FNBP1L: variants seen among roughly 807,000 people sequenced by gnomAD.
The protein encoded by FNBP1L is formin binding protein 1 like, also known as formin-binding protein 1-like.
A neutral mutation model predicts 91.2 loss-of-function variants in FNBP1L; 36 were observed. The observed-to-expected ratio is 0.39, with a 90% confidence interval of 0.30 to 0.52. The LOEUF (loss-of-function observed/expected upper bound fraction) is 0.52. FNBP1L is among the 20% of genes least tolerant of loss of function. FNBP1L has a pLI of 0.66. For synonymous variants in FNBP1L, 242 were observed against 237.0 expected (o/e 1.02, Z -0.19); for missense variants, 571 against 732.1 (o/e 0.78, Z 2.54).
chr1:93,449,816 C>A (rs1174596520), intron 1 of FNBP1L, among the ~76,000 whole-genome samples: 1 of 152,108 alleles, frequency 6.6e-6, no homozygotes, highest in Non-Finnish European at 1.5e-5. Flanking sequence ...GGCCTTTTTC[C>A]CTTACACTTT....
In FNBP1L at chr1:93,528,397, G is replaced by T. The variant is rs76859513; in HGVS notation, c.406-1255G>T. 8.1e-3 allele frequency among the ~76,000 whole-genome samples: 1,228 copies of T among 152,274 alleles called. 4 individuals carry two copies. The highest frequency in any genetic ancestry group is 0.012 in the Non-Finnish European group (790 of 68,000). ...AGGATAGTTACACAGGAAGCCAGAA[G>T]AATAGTGGAGCAATACTTTTAAGTT... On this transcript the variant is annotated intron_variant, in intron 5 of 16. Transcript: ENST00000271234.
At chr1:93,511,693 G>A (rs561504538) in intron 2 of FNBP1L, among the ~76,000 whole-genome samples, 238 of 152,160 alleles carry the variant, frequency 1.6e-3, no homozygotes, top group Non-Finnish European at 2.7e-3. Context: ...CCGGCCGGGT[G>A]CGGTGGCTCA....
In FNBP1L at chr1:93,523,323, AT is replaced by A; in HGVS notation, c.195-17del. The A allele has an allele frequency of 1.3e-6, 2 of 1,586,044 alleles. No homozygotes were observed. ...AATGAAAATAAAAGTAAGTCTCACC[AT>A]TTTGAAATGTTTTTGCCAGGTTTAC... On this transcript the variant is annotated intron_variant, in intron 3 of 16. Transcript: ENST00000271234.
intron 2 of FNBP1L, among the ~76,000 whole-genome samples, chr1:93,513,878 C>T (rs1200589777): frequency 2.0e-5 from 3 of 152,192 alleles, no homozygotes; most frequent in Admixed American, 6.5e-5. Flanking sequence ...GATGCCCTCT[C>T]TCACCACTCC....
chr1:93,502,540 C>G (rs1670472428), intron 2 of FNBP1L, among the ~76,000 whole-genome samples: 1 of 152,154 alleles, frequency 6.6e-6, no homozygotes, highest in South Asian at 2.1e-4. Flanking sequence ...TGCCTTCTCT[C>G]TGTTCTGAGA....
chr1:93,534,196 A>C (rs1671772659), intron 8 of FNBP1L, among the ~76,000 whole-genome samples: 1 of 152,094 alleles, frequency 6.6e-6, no homozygotes, highest in Non-Finnish European at 1.5e-5. Context: ...TATATATTTA[A>C]TTTATTTATC....
chr1:93,524,581 C>CTTTTTT (rs34173735), intron 5 of FNBP1L, among the ~76,000 whole-genome samples: 366 of 112,896 alleles, frequency 3.2e-3, no homozygotes, highest in African/African-American at 5.0e-3. Flanking sequence ...TAAGGAGATT[C>CTTTTTT]TTTTTTTTTT....
chr1:93,532,469 CAAAAA>C (rs35188106), intron 7 of FNBP1L, among the ~76,000 whole-genome samples: 1 of 62,608 alleles, frequency 1.6e-5, no homozygotes. Flanking sequence ...GACTCCGCCT[CAAAAA>C]AAAAAAAAAA....
chr1:93,497,755 G>A (rs1182208659), intron 1 of FNBP1L, among the ~76,000 whole-genome samples: 1 of 152,048 alleles, frequency 6.6e-6, no homozygotes, highest in Non-Finnish European at 1.5e-5. Flanking sequence ...GAGTAGCTGG[G>A]ACCACAGGTG....
chr1:93,465,904 C>T (rs972705740), intron 1 of FNBP1L, among the ~76,000 whole-genome samples: 20 of 152,266 alleles, frequency 1.3e-4, no homozygotes, highest in African/African-American at 4.1e-4. Context: ...TTCCAAATGG[C>T]GTGAGATAGT....
chr1:93,517,509 T>TA (rs1430154141), intron 2 of FNBP1L, among the ~76,000 whole-genome samples: 3 of 152,108 alleles, frequency 2.0e-5, no homozygotes, highest in African/African-American at 7.2e-5. Context: ...GAACATCTTT[T>TA]AAAAAAATCC....
chr1:93,479,310 C>T (rs1204929242), intron 1 of FNBP1L, among the ~76,000 whole-genome samples: 9 of 152,158 alleles, frequency 5.9e-5, no homozygotes, highest in African/African-American at 2.2e-4. Context: ...TCTGAGGAAA[C>T]AGGGCAAGGA....
chr1:93,472,116 C>T (rs1008326360), intron 1 of FNBP1L, among the ~76,000 whole-genome samples: 5 of 152,128 alleles, frequency 3.3e-5, no homozygotes, highest in African/African-American at 4.8e-5. Context: ...GAATGAGGCC[C>T]AGAAATTTGT....
At chr1:93,510,790 A>C (rs572025310) in intron 2 of FNBP1L, among the ~76,000 whole-genome samples, 1 of 152,162 alleles carries the variant, frequency 6.6e-6, no homozygotes, top group Admixed American at 6.5e-5. Context: ...ACCAAGGCTC[A>C]AGAACTACGT....
At chr1:93,505,812 G>A (rs1422582837) in intron 2 of FNBP1L, among the ~76,000 whole-genome samples, 1 of 152,192 alleles carries the variant, frequency 6.6e-6, no homozygotes, top group Non-Finnish European at 1.5e-5. Context: ...CTGAGTAGCT[G>A]GCACTACAGG....
At chr1:93,451,668 T>A (rs182841436) in intron 1 of FNBP1L, among the ~76,000 whole-genome samples, 1 of 152,302 alleles carries the variant, frequency 6.6e-6, no homozygotes, top group Admixed American at 6.5e-5. Flanking sequence ...TATTATTATT[T>A]TTGAGATGGA....
intron 1 of FNBP1L, among the ~76,000 whole-genome samples, chr1:93,495,634 T>C (rs60717381): frequency 0.027 from 4,102 of 152,308 alleles, 165 homozygotes; most frequent in African/African-American, 0.09. Context: ...ATTTATCTTC[T>C]GGCTGTTTCA....
intron 1 of FNBP1L, among the ~76,000 whole-genome samples, chr1:93,476,522 A>T (rs993716782): frequency 6.6e-6 from 1 of 152,194 alleles, no homozygotes; most frequent in African/African-American, 2.4e-5. Flanking sequence ...TGTTTTTGGT[A>T]TGGTGGAAAG....
chr1:93,473,914 G>A (rs182540086), intron 1 of FNBP1L, among the ~76,000 whole-genome samples: 8 of 152,174 alleles, frequency 5.3e-5, no homozygotes, highest in Admixed American at 5.2e-4. Context: ...GCTGCGTGAC[G>A]GGATCTATGG....
Sources: allele counts gnomAD v4.1 joint callset (sites outside exome capture counted in the v4.1 genomes callset), GRCh38; gene constraint gnomAD v4.1.1; transcripts MANE v1.5; gene names NCBI Gene and HGNC (gene_info 2026-07-23, HGNC 2026-07-21).